Variants in TDRD3 observed in about 807,000 individuals in gnomAD.
TDRD3 encodes the protein tudor domain-containing protein 3.
Under a neutral mutation model 86.7 loss-of-function variants are expected in TDRD3, and 45 were observed. The ratio of observed to expected loss-of-function variants is 0.52; its 90% CI spans 0.41 to 0.67. The LOEUF is 0.67. Ranked by LOEUF, TDRD3 falls within the 30% of genes least tolerant of loss-of-function variation. TDRD3 has a pLI of 0.00. For synonymous variants in TDRD3, 298 were observed against 301.7 expected (o/e 0.99, Z 0.13); for missense variants, 814 against 889.0 (o/e 0.92, Z 1.07).
intron 8 of TDRD3, among the ~76,000 whole-genome samples, chr13:60,496,329 A>AG (rs1956717553): frequency 1.4e-5 from 1 of 74,000 alleles, no homozygotes; most frequent in East Asian, 3.1e-4. Flanking sequence ...ATATATATAT[A>AG]TATATATATA....
chr13:60,566,382 C>G (rs1418195342), intron 12 of TDRD3, among the ~76,000 whole-genome samples: 1 of 151,540 alleles, frequency 6.6e-6, no homozygotes, highest in Non-Finnish European at 1.5e-5. Context: ...ATCTTTGTTT[C>G]CATTAGGTAA....
chr13:60,569,565 A>G (rs1474512225), intron 13 of TDRD3, among the ~76,000 whole-genome samples: 2 of 152,104 alleles, frequency 1.3e-5, no homozygotes, highest in Non-Finnish European at 2.9e-5. Context: ...ATATAAATAG[A>G]AAAAATAATT....
At chr13:60,422,301 A>G (rs1287299890) in intron 1 of TDRD3, among the ~76,000 whole-genome samples, 1 of 152,212 alleles carries the variant, frequency 6.6e-6, no homozygotes, top group Non-Finnish European at 1.5e-5. Context: ...GAAACCAACC[A>G]CTTCATTAAA....
intron 3 of TDRD3, among the ~76,000 whole-genome samples, chr13:60,453,253 G>T (rs1307231722): frequency 6.6e-6 from 1 of 152,066 alleles, no homozygotes; most frequent in East Asian, 1.9e-4. Context: ...ATAAAATGGG[G>T]ACTAATAGCA....
chr13:60,412,009 G>A (rs1566172180), intron 1 of TDRD3, among the ~76,000 whole-genome samples: 4 of 152,154 alleles, frequency 2.6e-5, no homozygotes, highest in South Asian at 4.1e-4. Flanking sequence ...GAGAGACATC[G>A]TATCCTTGGT....
intron 5 of TDRD3, among the ~76,000 whole-genome samples, chr13:60,471,378 T>C (rs1277914500): frequency 6.6e-6 from 1 of 152,240 alleles, no homozygotes. Flanking sequence ...GGTTATCTGT[T>C]CTGTTTCACT....
At chr13:60,460,709 A>C in intron 4 of TDRD3, 169 bp downstream of exon 4, 1 of 629,804 alleles carries the variant, frequency 1.6e-6, no homozygotes, top group Non-Finnish European at 2.4e-6. Flanking sequence ...GTATAAAAAT[A>C]GTTAAGAATA....
intron 10 of TDRD3, among the ~76,000 whole-genome samples, chr13:60,522,791 G>A (rs1957318198): frequency 6.6e-6 from 1 of 152,198 alleles, no homozygotes; most frequent in Non-Finnish European, 1.5e-5. Flanking sequence ...ATCAGGGATT[G>A]TGAAAGAGCC....
At chr13:60,512,396 A>G (rs1957079586) in intron 10 of TDRD3, among the ~76,000 whole-genome samples, 1 of 152,080 alleles carries the variant, frequency 6.6e-6, no homozygotes, top group South Asian at 2.1e-4. Context: ...CCTCCCAAAT[A>G]TCATGTCCTC....
At chr13:60,482,918 A>G (rs896775997) in intron 5 of TDRD3, among the ~76,000 whole-genome samples, 1 of 152,018 alleles carries the variant, frequency 6.6e-6, no homozygotes, top group African/African-American at 2.4e-5. Flanking sequence ...AAAATGCACA[A>G]AAAGTTTAAA....
At chr13:60,484,205 G>A (rs1005325929) in intron 6 of TDRD3, among the ~76,000 whole-genome samples, 1 of 151,942 alleles carries the variant, frequency 6.6e-6, no homozygotes, top group Admixed American at 6.6e-5. Context: ...GAGGGGGAGA[G>A]AAAAATAAAG....
At chr13:60,470,061 CT>C (rs1326799040) in intron 5 of TDRD3, among the ~76,000 whole-genome samples, 1 of 152,176 alleles carries the variant, frequency 6.6e-6, no homozygotes, top group Non-Finnish European at 1.5e-5. Flanking sequence ...TCCTCTCAGT[CT>C]TGGGCAACCA....
chr13:60,407,673 T>A (rs879817379), intron 1 of TDRD3, among the ~76,000 whole-genome samples: 6 of 152,198 alleles, frequency 3.9e-5, no homozygotes, highest in Admixed American at 2.0e-4. Context: ...CTCTTTAGGG[T>A]CTTTGAAATG....
At chr13:60,446,982 A>G (rs1955415945) in intron 3 of TDRD3, among the ~76,000 whole-genome samples, 1 of 152,188 alleles carries the variant, frequency 6.6e-6, no homozygotes, top group African/African-American at 2.4e-5. Flanking sequence ...ATCTGTGCAT[A>G]AGATACAGGA....
At chr13:60,547,216 C>T in intron 12 of TDRD3, 1 of 984,244 alleles carries the variant, frequency 1.0e-6, no homozygotes, top group Non-Finnish European at 1.2e-6. Context: ...TGACATTGTT[C>T]ACCACTTTTG....
At chr13:60,468,213 T>C (rs189241467) in intron 5 of TDRD3, among the ~76,000 whole-genome samples, 4 of 152,324 alleles carry the variant, frequency 2.6e-5, no homozygotes, top group Admixed American at 1.3e-4. Context: ...TTCTTCCACA[T>C]AGATCTTGTT....
At chr13:60,482,439 G>A (rs1956337507) in intron 5 of TDRD3, among the ~76,000 whole-genome samples, 2 of 152,144 alleles carry the variant, frequency 1.3e-5, no homozygotes, top group African/African-American at 2.4e-5. Context: ...TAAAGAGAGA[G>A]TAAGTATTGC....
chr13:60,441,996 C>T (rs1216725982), intron 2 of TDRD3, among the ~76,000 whole-genome samples: 1 of 152,184 alleles, frequency 6.6e-6, no homozygotes, highest in African/African-American at 2.4e-5. Flanking sequence ...GGTCCAAGTG[C>T]AAAGTCCCTA....
In TDRD3 at chr13:60,497,387, A is replaced by G. The variant is rs927142527; in HGVS notation, c.858+2812A>G. On this transcript the variant is annotated intron_variant, in intron 8 of 13. Transcript: ENST00000377881. ...GCTCTCAGGTGATAGATGATTGGCT[A>G]TTTCTTCTGTTTTTGCCTAATTAGC... Among the ~76,000 whole-genome samples the G allele has an allele frequency of 2.0e-5, 3 of 152,004 alleles. No homozygotes were observed. The South Asian group carries it at 6.2e-4, about 32-fold the overall frequency.
Sources: allele counts gnomAD v4.1 joint callset (sites outside exome capture counted in the v4.1 genomes callset), GRCh38; gene constraint gnomAD v4.1.1; transcripts MANE v1.5; gene names NCBI Gene and HGNC (gene_info 2026-07-23, HGNC 2026-07-21).